The following TSPAN1 variants were observed in gnomAD, a reference collection of about 807,000 sequenced individuals.
TSPAN1 encodes tetraspanin-1.
A neutral mutation model predicts 26.9 loss-of-function variants in TSPAN1; 23 were observed. The ratio of observed to expected loss-of-function variants is 0.85; its 90% CI spans 0.62 to 1.21. The LOEUF (loss-of-function observed/expected upper bound fraction) is 1.21, where lower values mean the gene tolerates loss of function less well. Ranked by LOEUF, TSPAN1 falls within the 50% of genes most tolerant of loss-of-function variation. The pLI is 0.00. For synonymous variants in TSPAN1, 115 were observed against 114.8 expected (o/e 1.00, Z -0.01); for missense variants, 283 against 298.4 (o/e 0.95, Z 0.38).
downstream of TSPAN1, among the ~76,000 whole-genome samples, chr1:46,186,950 C>CCG (rs1242326154): frequency 6.6e-6 from 1 of 152,162 alleles, no homozygotes; most frequent in Non-Finnish European, 1.5e-5. Context: ...GCATGAGCCA[C>CCG]CGTGCCCGGC....
chr1:46,190,354 A>G (rs1657665312), downstream of TSPAN1: 5 of 1,343,858 alleles, frequency 3.7e-6, no homozygotes, highest in Admixed American at 5.1e-5. Context: ...TGAAGTTCCT[A>G]ATGTTTGAGA....
chr1:46,193,440 C>A, the TSPAN1 span: 1 of 1,604,936 alleles, frequency 6.2e-7, no homozygotes, highest in Non-Finnish European at 8.5e-7. Flanking sequence ...CCTCTGCCCA[C>A]CTCTGCAATC....
At chr1:46,194,606 G>A in the TSPAN1 span, 250 of 1,614,210 alleles carry the variant, frequency 1.5e-4, 3 homozygotes, top group South Asian at 2.5e-3. Flanking sequence ...GTCCCCCCAG[G>A]AAGAGAGGGC....
downstream of TSPAN1, chr1:46,189,232 T>C: frequency 1.9e-6 from 3 of 1,595,934 alleles, no homozygotes; most frequent in Non-Finnish European, 2.6e-6. Flanking sequence ...AGCCTGGGGG[T>C]ACACAGTACC....
downstream of TSPAN1, chr1:46,190,560 T>G (rs201448682): frequency 6.6e-5 from 102 of 1,555,648 alleles, no homozygotes; most frequent in African/African-American, 1.2e-3. Context: ...GGGCAGGCCC[T>G]CAGGTCCCAT....
the TSPAN1 span, chr1:46,193,498 C>A: frequency 6.2e-7 from 1 of 1,613,362 alleles, no homozygotes; most frequent in South Asian, 1.1e-5. Flanking sequence ...CTCCCTTGCC[C>A]GTCCCTGGCA....
chr1:46,194,853 G>A, the TSPAN1 span: 15 of 1,613,798 alleles, frequency 9.3e-6, no homozygotes, highest in Admixed American at 5.0e-5. Context: ...CCTCCTTTTC[G>A]TCCCACGAAG....
chr1:46,193,696 C>T, the TSPAN1 span: 1 of 1,611,536 alleles, frequency 6.2e-7, no homozygotes, highest in South Asian at 1.1e-5. Flanking sequence ...TCAGGTTCCC[C>T]TGTGTTTACA....
chr1:46,176,314 C>T (rs1237476119), intron 1 of TSPAN1: 3 of 1,535,798 alleles, frequency 2.0e-6, no homozygotes, highest in South Asian at 1.2e-5. Context: ...GATGGCTGCA[C>T]TGCTGGCAGT....
chr1:46,178,705 T>C (rs1279270858), intron 1 of TSPAN1, among the ~76,000 whole-genome samples: 1 of 152,190 alleles, frequency 6.6e-6, no homozygotes, highest in Non-Finnish European at 1.5e-5. Context: ...TCTTTAGAGA[T>C]TCCATCAGTG....
At chr1:46,178,747 C>T (rs563170584) in intron 1 of TSPAN1, among the ~76,000 whole-genome samples, 1 of 152,228 alleles carries the variant, frequency 6.6e-6, no homozygotes, top group South Asian at 2.1e-4. Flanking sequence ...AAGATGTAGA[C>T]TCTGGTGCCA....
At chr1:46,195,642 T>C in the TSPAN1 span, 6 of 726,648 alleles carry the variant, frequency 8.3e-6, no homozygotes, top group African/African-American at 1.7e-5. Context: ...CAGCTGTTGC[T>C]CAATAACTAT....
downstream of TSPAN1, among the ~76,000 whole-genome samples, chr1:46,187,624 A>T (rs193242464): frequency 6.6e-6 from 1 of 152,244 alleles, no homozygotes; most frequent in African/African-American, 2.4e-5. Context: ...TCACCCCTTC[A>T]CCACCATACT....
chr1:46,188,856 G>C, downstream of TSPAN1: 1 of 1,612,900 alleles, frequency 6.2e-7, no homozygotes, highest in Non-Finnish European at 8.5e-7. Context: ...GCAGTTTCCT[G>C]AGTAAGAGCC....
chr1:46,184,872 A>G lies in TSPAN1; in HGVS notation c.427A>G (p.Thr143Ala). Residue 143 changes from threonine to alanine, a missense_variant, in exon 6 of 9, where the codon ACC (threonine) becomes GCC (alanine). Physicochemically the swap from Thr to Ala is moderately conservative, Grantham distance 58. Coordinates refer to ENST00000372003, the MANE Select transcript of TSPAN1 (RefSeq NM_005727.4). The part of the protein sequence containing the change: ...QEDFTQVWNT[T>A]MKGLKCCGFT... ...AGACTTCACTCAAGTGTGGAACACC[A>G]CCATGAAAGGGGTAAGGTTGGCTGG... The G allele has an allele frequency of 6.2e-7, 1 of 1,614,204 alleles. No individual in the cohort carries two copies. Among genetic ancestry groups the G allele is most frequent in the East Asian group, 2.2e-5 (1 of 44,882 alleles).
chr1:46,192,013 A>C, the TSPAN1 span: 1 of 1,498,522 alleles, frequency 6.7e-7, no homozygotes, highest in Admixed American at 1.9e-5. Flanking sequence ...GCTAGCAAGT[A>C]GCAGAGCTAA....
At chr1:46,195,994 C>A in the TSPAN1 span, 3 of 1,614,070 alleles carry the variant, frequency 1.9e-6, no homozygotes, top group Non-Finnish European at 2.5e-6. Context: ...TCTGGGTCAC[C>A]CACCCCTAGA....
At chr1:46,192,662 G>A in the TSPAN1 span, 1 of 1,603,570 alleles carries the variant, frequency 6.2e-7, no homozygotes, top group Middle Eastern at 1.7e-4. Flanking sequence ...TGCTAGAATT[G>A]CTGGAGCTGG....
chr1:46,178,094 C>A (rs1051777428), intron 1 of TSPAN1, among the ~76,000 whole-genome samples: 1 of 152,096 alleles, frequency 6.6e-6, no homozygotes, highest in South Asian at 2.1e-4. Flanking sequence ...CGGTGGCTCA[C>A]GCCTGTAATC....
Sources: gnomAD v4.1 joint callset for allele counts (sites outside exome capture counted in the v4.1 genomes callset) on GRCh38, gnomAD v4.1.1 for gene constraint, MANE v1.5 for transcripts, NCBI Gene and HGNC (gene_info 2026-07-23, HGNC 2026-07-21) for gene names.